NUS1: variants seen among roughly 807,000 people sequenced by gnomAD.
NUS1 encodes the protein dehydrodolichyl diphosphate synthase complex subunit NUS1.
For synonymous variants in NUS1, 135 were observed against 155.2 expected (o/e 0.87, Z 0.97); for missense variants, 292 against 382.9 (o/e 0.76, Z 1.98).
intron 1 of NUS1, among the ~76,000 whole-genome samples, chr6:117,676,660 T>C (rs1772987166): frequency 6.6e-6 from 1 of 152,248 alleles, no homozygotes; most frequent in Admixed American, 6.5e-5. Flanking sequence ...GGTATTTGTA[T>C]ACCCTTGCCA....
At chr6:117,680,374 A>G (rs1053729604) in intron 1 of NUS1, among the ~76,000 whole-genome samples, 1 of 152,192 alleles carries the variant, frequency 6.6e-6, no homozygotes, top group Non-Finnish European at 1.5e-5. Flanking sequence ...CCTGTGTCTC[A>G]CATGCAGGTA....
At position 117,675,694 on chromosome 6, in the gene NUS1, G is replaced by T. The variant is rs745434007; in HGVS notation, c.24G>T (p.Val8=). The part of the protein sequence containing the change: MTGLYEL[V]WRVLHALLCL... ...GTATGACGGGGCTGTACGAGCTGGTGTGGCGGGTGCTGCACGCGCTGCTCT... is the reference window on the plus strand; with the variant it reads ...GTATGACGGGGCTGTACGAGCTGGTTTGGCGGGTGCTGCACGCGCTGCTCT... Residue 8 remains valine (V), a synonymous_variant, in exon 1 of 5, where the codon GTG becomes GTT. Transcript: ENST00000368494. 1.3e-6 allele frequency: 2 copies of T among 1,502,170 alleles called. No homozygotes were observed. The highest frequency in any genetic ancestry group is 2.7e-5 in the African/African-American group (2 of 73,244). The allele number at this position is 1,502,170 out of a possible 1,614,324, so 93.1% of individuals were successfully genotyped here.
chr6:117,707,100 C>G lies in NUS1; in HGVS notation c.*85C>G. The G allele has an allele frequency of 9.3e-7, 1 of 1,077,232 alleles. No individual in the cohort carries two copies. The highest frequency in any genetic ancestry group is 1.4e-6 in the Non-Finnish European group (1 of 702,396). 66.7% of individuals were successfully genotyped at this position (1,077,232 alleles called of 1,614,324 possible). A position where few individuals can be genotyped will look rare whatever the true frequency, so the allele number is the denominator to read the frequency against. On this transcript the variant is annotated 3_prime_UTR_variant, in exon 5 of 5. Coordinates refer to ENST00000368494, the MANE Select transcript of NUS1 (RefSeq NM_138459.5). ...GATGTTTACAAAGCACCTATGAAAC[C>G]CTGTACACACCTAGTTCATAATCCT...
In NUS1 at chr6:117,707,180, T is replaced by C; in HGVS notation, c.*165T>C. On this transcript the variant is annotated 3_prime_UTR_variant, in exon 5 of 5. Coordinates refer to ENST00000368494, the MANE Select transcript of NUS1 (RefSeq NM_138459.5). ...TCTTACTTGAGAGTGAGTGTGTGTG[T>C]GTGCGTGTGCACGTGCACACATGTG... 3.2e-6 allele frequency: 2 copies of C among 625,446 alleles called. No homozygotes were observed. Among genetic ancestry groups the C allele is most frequent in the Middle Eastern group, 4.5e-4 (1 of 2,228 alleles). The allele number at this position is 625,446 out of a possible 1,614,324, so 38.7% of individuals were successfully genotyped here.
In NUS1 at chr6:117,703,645, C is replaced by T. The variant is rs142549647; in HGVS notation, c.732C>T (p.Phe244=). 106 of 1,613,682 alleles carry T rather than the reference C, an allele frequency of 6.6e-5. No individual in the cohort carries two copies. Among genetic ancestry groups the T allele is most frequent in the Middle Eastern group, 1.6e-4 (1 of 6,084 alleles). The change falls in exon 4 of 5, where the codon TTC becomes TTT. Residue 244 remains phenylalanine (F), a synonymous_variant. Transcript: ENST00000368494. ...GCPDPDLVLK[F]GPVDSTLGFL... is the part of the protein sequence containing the mutation. ...CTGATCCTGATTTAGTATTGAAGTT[C>T]GGTCCTGTGGACAGCACATTAGGCT...
chr6:117,703,763 G>A, intron 4 of NUS1, 59 bp downstream of exon 4: 1 of 1,136,154 alleles, frequency 8.8e-7, no homozygotes, highest in Non-Finnish European at 1.3e-6. Context: ...CTTGAGTTCA[G>A]CACTGTACTA....
At chr6:117,688,112 A>G (rs1773166019) in intron 1 of NUS1, among the ~76,000 whole-genome samples, 1 of 152,192 alleles carries the variant, frequency 6.6e-6, no homozygotes. Flanking sequence ...AGTCCCAGCT[A>G]CTCAGGAGGC....
chr6:117,695,163 T>C (rs967771585), intron 3 of NUS1, among the ~76,000 whole-genome samples: 41 of 118,514 alleles, frequency 3.5e-4, no homozygotes, highest in African/African-American at 1.2e-3. Flanking sequence ...CAGTACACTC[T>C]AGCCTGGGTG....
intron 1 of NUS1, among the ~76,000 whole-genome samples, chr6:117,690,223 CA>C (rs1773195555): frequency 6.6e-6 from 1 of 152,120 alleles, no homozygotes; most frequent in Non-Finnish European, 1.5e-5. Flanking sequence ...ATGGCTGTTT[CA>C]AAATGTTCAC....
In NUS1 at chr6:117,707,623, A is replaced by G. The variant is rs1329960346; in HGVS notation, c.*608A>G. 1.4e-5 allele frequency: 2 copies of G among 139,150 alleles called. No homozygotes were observed. Among genetic ancestry groups the G allele is most frequent in the Non-Finnish European group, 1.5e-5 (1 of 65,158 alleles). 8.6% of individuals were successfully genotyped at this position (139,150 alleles called of 1,614,324 possible). On this transcript the variant is annotated 3_prime_UTR_variant, in exon 5 of 5. Coordinates refer to ENST00000368494, the MANE Select transcript of NUS1 (RefSeq NM_138459.5). Reference sequence around the variant, plus strand: ...TCATCTCTTAATTGTAGTCAAAAGTATGACTTGAGAGTGTTGCTCTGGTAT... The same window carrying G: ...TCATCTCTTAATTGTAGTCAAAAGTGTGACTTGAGAGTGTTGCTCTGGTAT...
chr6:117,695,109 G>C (rs1242191968), intron 3 of NUS1, among the ~76,000 whole-genome samples: 2 of 130,326 alleles, frequency 1.5e-5, no homozygotes, highest in Non-Finnish European at 3.1e-5. Context: ...CAGGAGTATA[G>C]TTTGAGTTCA....
At chr6:117,703,542 C>CTGTG in intron 3 of NUS1, 63 bp from the exon 4 acceptor site, 3 of 1,100,808 alleles carry the variant, frequency 2.7e-6, no homozygotes, top group South Asian at 2.6e-5. Flanking sequence ...CTGTGTGTTT[C>CTGTG]TGTGTGTGTG....
chr6:117,702,305 T>C (rs975326358), intron 3 of NUS1, among the ~76,000 whole-genome samples: 3 of 152,322 alleles, frequency 2.0e-5, no homozygotes, highest in African/African-American at 7.2e-5. Context: ...CAGTTCCAGA[T>C]TGAGTCCGTA....
At chr6:117,676,917 A>C (rs1187441496) in intron 1 of NUS1, among the ~76,000 whole-genome samples, 2 of 152,164 alleles carry the variant, frequency 1.3e-5, no homozygotes, top group African/African-American at 4.8e-5. Context: ...GTCAGGTGGT[A>C]TTTGAACTGG....
chr6:117,693,035 T>C lies in NUS1; in HGVS notation c.416-7T>C. On this transcript the variant is annotated splice_polypyrimidine_tract_variant and splice_region_variant and intron_variant, in intron 1 of 4. Transcript: ENST00000368494. ...TTGTGTTTTACTTGCCTTTTTCTTT[T>C]TTAAAGGTATTTTCAAAAGAAATAA... is the stretch of plus-strand genomic sequence containing the variant. The C allele has an allele frequency of 6.3e-7, 1 of 1,599,818 alleles. No individual in the cohort carries two copies. The highest frequency in any genetic ancestry group is 1.3e-5 in the African/African-American group (1 of 74,488).
chr6:117,680,475 C>T (rs998304323), intron 1 of NUS1, among the ~76,000 whole-genome samples: 2 of 152,252 alleles, frequency 1.3e-5, no homozygotes, highest in African/African-American at 2.4e-5. Context: ...TTGCTGGGAA[C>T]CTTGCTGTTG....
chr6:117,686,098 A>G (rs1370878990), intron 1 of NUS1, among the ~76,000 whole-genome samples: 1 of 151,964 alleles, frequency 6.6e-6, no homozygotes, highest in Non-Finnish European at 1.5e-5. Context: ...CGTCTCTACT[A>G]AAAATACAAA....
chr6:117,703,346 C>G (rs898228994), intron 3 of NUS1, among the ~76,000 whole-genome samples: 1 of 152,030 alleles, frequency 6.6e-6, no homozygotes, highest in African/African-American at 2.4e-5. Context: ...GGTGGGTTAC[C>G]CTTTCTTATC....
chr6:117,693,576 C>T (rs1773274729), intron 2 of NUS1, among the ~76,000 whole-genome samples: 1 of 152,100 alleles, frequency 6.6e-6, no homozygotes, highest in Non-Finnish European at 1.5e-5. Flanking sequence ...TAAGATAGCT[C>T]CTATAAAAGT....
Sources: gnomAD v4.1 joint callset for allele counts (sites outside exome capture counted in the v4.1 genomes callset) on GRCh38, gnomAD v4.1.1 for gene constraint, MANE v1.5 for transcripts, NCBI Gene and HGNC (gene_info 2026-07-23, HGNC 2026-07-21) for gene names.